Variants in PGM2 observed in about 807,000 individuals in gnomAD.
PGM2 encodes phosphoglucomutase 2.
A neutral mutation model predicts 74.6 loss-of-function variants in PGM2; 57 were observed. That is an observed-to-expected ratio of 0.76 (90% confidence interval 0.62 to 0.95). PGM2 has a LOEUF of 0.95. PGM2 is among the 40% of genes least tolerant of loss of function. PGM2 has a pLI of 0.00. For synonymous variants in PGM2, 273 were observed against 260.7 expected (o/e 1.05, Z -0.46); for missense variants, 706 against 741.9 (o/e 0.95, Z 0.56).
chr4:37,834,931 A>G (rs1725527639), intron 3 of PGM2, among the ~76,000 whole-genome samples: 1 of 152,230 alleles, frequency 6.6e-6, no homozygotes, highest in Non-Finnish European at 1.5e-5. Flanking sequence ...TTTAGAATGT[A>G]ATACCTAGCT....
chr4:37,839,525 A>G, intron 4 of PGM2: 1 of 497,592 alleles, frequency 2.0e-6, no homozygotes, highest in Non-Finnish European at 3.9e-6. Context: ...AGGTAGAAGC[A>G]TTGAAAGCAT....
intron 12 of PGM2, among the ~76,000 whole-genome samples, chr4:37,851,246 G>A (rs547950279): frequency 1.3e-5 from 2 of 152,318 alleles, no homozygotes; most frequent in South Asian, 4.1e-4. Flanking sequence ...TGGACTTTCC[G>A]ATTCAGTAGG....
intron 7 of PGM2, 150 bp downstream of exon 7, chr4:37,844,703 C>A: frequency 1.7e-6 from 1 of 598,618 alleles, no homozygotes; most frequent in Admixed American, 3.0e-5. Flanking sequence ...TGCAGCGTCT[C>A]ATGTCTGTAA....
At chr4:37,844,115 A>C (rs1385461539) in intron 6 of PGM2, among the ~76,000 whole-genome samples, 1 of 152,022 alleles carries the variant, frequency 6.6e-6, no homozygotes, top group Non-Finnish European at 1.5e-5. Context: ...TTTGTATCTC[A>C]CTCTAGATGG....
At chr4:37,842,090 TTTAA>T (rs757846483) in intron 6 of PGM2, among the ~76,000 whole-genome samples, 2 of 151,776 alleles carry the variant, frequency 1.3e-5, no homozygotes, top group Non-Finnish European at 2.9e-5. Flanking sequence ...ATTTGTATTC[TTTAA>T]TTAACCTATA....
chr4:37,850,842 T>C (rs1726020695), intron 12 of PGM2, among the ~76,000 whole-genome samples: 1 of 151,370 alleles, frequency 6.6e-6, no homozygotes. Flanking sequence ...AATACAAAAA[T>C]TAGCCAGGTG....
chr4:37,848,468 T>C (rs1373515082), intron 10 of PGM2, 54 bp from the exon 11 acceptor site: 4 of 1,497,100 alleles, frequency 2.7e-6, no homozygotes, highest in Admixed American at 3.7e-5. Flanking sequence ...TTCATACTCA[T>C]ATGTGGTTTG....
At chr4:37,832,239 A>G (rs1367661300) in intron 2 of PGM2, among the ~76,000 whole-genome samples, 1 of 152,220 alleles carries the variant, frequency 6.6e-6, no homozygotes, top group Non-Finnish European at 1.5e-5. Context: ...AGAGTTAAGA[A>G]AGTTTTATCT....
At chr4:37,844,313 G>GACAA in intron 6 of PGM2, 51 bp from the exon 7 acceptor site, 2 of 1,235,832 alleles carry the variant, frequency 1.6e-6, no homozygotes, top group Non-Finnish European at 2.3e-6. Context: ...TTGCAGTTTT[G>GACAA]AGAGCCCTGT....
At chr4:37,839,547 C>G (rs549715436) in intron 4 of PGM2, 126 of 527,738 alleles carry the variant, frequency 2.4e-4, no homozygotes, top group African/African-American at 2.2e-3. Context: ...GGAATGGAGG[C>G]TTAGACCATC....
chr4:37,841,391 C>T (rs542330283), intron 6 of PGM2, among the ~76,000 whole-genome samples: 1 of 151,928 alleles, frequency 6.6e-6, no homozygotes, highest in South Asian at 2.1e-4. Context: ...TAGGTCCCAC[C>T]CCTCCTGATT....
At position 37,839,908 on chromosome 4, in the gene PGM2, C is replaced by G; in HGVS notation, c.502C>G (p.Pro168Ala). The G allele has an allele frequency of 2.5e-6, 4 of 1,601,270 alleles. No homozygotes were observed. The highest frequency in any genetic ancestry group is 3.4e-6 in the Non-Finnish European group (4 of 1,168,320). The change falls in exon 5 of 14, where the codon CCA becomes GCA. Residue 168 changes from proline (P) to alanine (A), a missense_variant. Transcript: ENST00000381967. ...AGIMITASHN[P>A]KQDNGYKVYW... Reference sequence around the variant, plus strand: ...AATCATGATAACTGCATCTCACAATCCAAAGCAGGATAATGGTTATAAGGT... The same window carrying G: ...AATCATGATAACTGCATCTCACAATGCAAAGCAGGATAATGGTTATAAGGT...
intron 3 of PGM2, among the ~76,000 whole-genome samples, chr4:37,836,465 ATATCTGGTGGGGAACGTAAGCAG>A: frequency 6.6e-6 from 1 of 152,342 alleles, no homozygotes; most frequent in Non-Finnish European, 1.5e-5. Context: ...CCAATTTTAA[ATATCTGGTGGGGAACGTAAGCAG>A]TAACTGTTAA....
At chr4:37,841,742 C>G (rs1725735027) in intron 6 of PGM2, among the ~76,000 whole-genome samples, 1 of 152,212 alleles carries the variant, frequency 6.6e-6, no homozygotes, top group African/African-American at 2.4e-5. Flanking sequence ...GATTTAACTT[C>G]ACGAAGAATG....
intron 2 of PGM2, among the ~76,000 whole-genome samples, chr4:37,833,386 T>A (rs1185017316): frequency 6.6e-6 from 1 of 152,040 alleles, no homozygotes; most frequent in Non-Finnish European, 1.5e-5. Context: ...CAAGATCCCA[T>A]CTCTACAAAA....
At chr4:37,845,869 T>A in intron 8 of PGM2, 139 bp downstream of exon 8, 1 of 629,066 alleles carries the variant, frequency 1.6e-6, no homozygotes, top group Non-Finnish European at 2.8e-6. Flanking sequence ...CTGAACCTCC[T>A]GTAGAGTCTT....
intron 10 of PGM2, 91 bp from the exon 11 acceptor site, chr4:37,848,431 A>G (rs1725937599): frequency 1.7e-6 from 2 of 1,153,578 alleles, no homozygotes; most frequent in Non-Finnish European, 2.5e-6. Context: ...GCAACACTGT[A>G]CAACCTCTAA....
In PGM2 at chr4:37,855,610, T is replaced by C. The variant is rs2152181636; in HGVS notation, c.1605T>C (p.Val535=). The change falls in exon 13 of 14, where the codon GTT becomes GTC. Residue 535 remains valine, a splice_region_variant and synonymous_variant. Transcript: ENST00000381967. ...ATAATGTGTGCATTAATTCCTAGGT[T>C]CTTCCCACTAGTAAAAGCAGCCAAA... ...YDDSQPDKKA[V]LPTSKSSQMI... is the part of the protein sequence containing the mutation. The C allele has an allele frequency of 6.2e-7, 1 of 1,613,514 alleles. No homozygotes were observed. The highest frequency in any genetic ancestry group is 1.1e-5 in the South Asian group (1 of 90,970).
At chr4:37,839,540 A>C (rs1314458699) in intron 4 of PGM2, 1 of 517,134 alleles carries the variant, frequency 1.9e-6, no homozygotes, top group Non-Finnish European at 3.7e-6. Context: ...AAGCATTGGA[A>C]TGGAGGCTTA....
Sources: gnomAD v4.1 joint callset for allele counts (sites outside exome capture counted in the v4.1 genomes callset) on GRCh38, gnomAD v4.1.1 for gene constraint, MANE v1.5 for transcripts, NCBI Gene and HGNC (gene_info 2026-07-23, HGNC 2026-07-21) for gene names.